SLC35F4: variants seen among roughly 807,000 people sequenced by gnomAD.
The protein encoded by SLC35F4 is chromosome 14 open reading frame 36.
In SLC35F4, 24 loss-of-function variants were observed where a neutral mutation model predicts 44.2. The ratio of observed to expected loss-of-function variants is 0.54; its 90% CI spans 0.39 to 0.76. The LOEUF is 0.76. Ranked by LOEUF, SLC35F4 falls within the 30% of genes least tolerant of loss-of-function variation. The pLI is 0.00. For missense variants in SLC35F4, 562 were observed against 586.1 expected, an observed-to-expected ratio of 0.96 and a Z score of 0.42; for synonymous variants, 238 against 223.6, an observed-to-expected ratio of 1.06 and a Z score of -0.57.
chr14:57,615,601 G>A (rs2071770950), intron 1 of SLC35F4, among the ~76,000 whole-genome samples: 1 of 151,450 alleles, frequency 6.6e-6, no homozygotes, highest in Admixed American at 6.6e-5. Flanking sequence ...TAGATTTGGA[G>A]CTTTTCTGAC....
At chr14:57,966,308 C>T (rs9646131) in intron 1 of SLC35F4, among the ~76,000 whole-genome samples, 16,269 of 152,156 alleles carry the variant, frequency 0.11, 989 homozygotes, top group Middle Eastern at 0.17. Context: ...GAACAGACAG[C>T]GTAATATTTC....
upstream of SLC35F4, among the ~76,000 whole-genome samples, chr14:57,982,708 T>G (rs1215971948): frequency 2.6e-5 from 4 of 152,212 alleles, no homozygotes; most frequent in Non-Finnish European, 4.4e-5. Flanking sequence ...AAAAAAATCT[T>G]TTTTCTTTTT....
chr14:57,883,452 C>G (rs1013727488), intron 1 of SLC35F4, among the ~76,000 whole-genome samples: 4 of 152,176 alleles, frequency 2.6e-5, no homozygotes, highest in African/African-American at 4.8e-5. Context: ...CTCACCTTAG[C>G]ATTTGCCCTC....
At chr14:57,720,816 C>T (rs2076065721) in intron 1 of SLC35F4, among the ~76,000 whole-genome samples, 1 of 151,844 alleles carries the variant, frequency 6.6e-6, no homozygotes, top group Admixed American at 6.6e-5. Context: ...CTAGACTAGT[C>T]TAGCCTCCCA....
chr14:57,638,629 T>C lies in SLC35F4; in HGVS notation c.104-44505A>G, dbSNP rs76710594. On this transcript the variant is annotated intron_variant, in intron 1 of 7. Transcript: ENST00000556826. ...AAGTCTCCTTTCAAATTTATAATTG[T>C]GTGATTTTTCAGTCGACATGTGTTT... Among the ~76,000 whole-genome samples the C allele has an allele frequency of 3.2e-3, 480 of 152,250 alleles. 8 individuals are homozygous for C. In the East Asian group the frequency reaches 0.079, roughly 25 times the overall value.
At chr14:57,884,288 A>C (rs1888600975) in intron 1 of SLC35F4, among the ~76,000 whole-genome samples, 1 of 152,172 alleles carries the variant, frequency 6.6e-6, no homozygotes, top group Non-Finnish European at 1.5e-5. Context: ...TCATATAAGT[A>C]ATCACCTTTA....
At chr14:57,721,184 T>A (rs1264783229) in intron 1 of SLC35F4, among the ~76,000 whole-genome samples, 1 of 151,716 alleles carries the variant, frequency 6.6e-6, no homozygotes, top group Non-Finnish European at 1.5e-5. Flanking sequence ...TTGCTTAATA[T>A]GATTAGAACC....
In SLC35F4 at chr14:57,563,939, A is replaced by T; in HGVS notation, c.*196T>A. On this transcript the variant is annotated 3_prime_UTR_variant, in exon 8 of 8. Transcript: ENST00000556826. ...AACAGAACAAGGACAAATGTGTTTT[A>T]ATAAAAAAATCCATTATGATTATTT... 1 of 610,272 alleles carries T rather than the reference A, an allele frequency of 1.6e-6. No homozygotes were observed. The highest frequency in any genetic ancestry group is 1.9e-5 in the African/African-American group (1 of 53,752). The allele number at this position is 610,272 out of a possible 1,614,324, so 37.8% of individuals were successfully genotyped here.
chr14:57,636,891 T>C (rs1160033415), intron 1 of SLC35F4, among the ~76,000 whole-genome samples: 2 of 152,132 alleles, frequency 1.3e-5, no homozygotes, highest in African/African-American at 4.8e-5. Context: ...CTCTTTGTTA[T>C]TTTTACATTA....
chr14:57,882,972 G>T (rs1228446996), intron 1 of SLC35F4, among the ~76,000 whole-genome samples: 1 of 151,712 alleles, frequency 6.6e-6, no homozygotes, highest in African/African-American at 2.4e-5. Context: ...ATACCTTCTT[G>T]CACCTCTGCC....
chr14:57,618,092 C>T (rs1040251487), intron 1 of SLC35F4, among the ~76,000 whole-genome samples: 1 of 152,056 alleles, frequency 6.6e-6, no homozygotes, highest in African/African-American at 2.4e-5. Context: ...CGTCTTAAAA[C>T]TAGCCCTAAG....
At chr14:57,818,932 T>C (rs543539225) in intron 1 of SLC35F4, among the ~76,000 whole-genome samples, 1 of 152,346 alleles carries the variant, frequency 6.6e-6, no homozygotes, top group African/African-American at 2.4e-5. Context: ...AAGCATCACA[T>C]TGAATGATAC....
At chr14:57,601,166 T>C (rs919739924) in intron 1 of SLC35F4, among the ~76,000 whole-genome samples, 1 of 151,808 alleles carries the variant, frequency 6.6e-6, no homozygotes, top group Non-Finnish European at 1.5e-5. Flanking sequence ...TTATATATTT[T>C]ATATTTTAAA....
chr14:57,958,909 G>A (rs554307886), intron 1 of SLC35F4, among the ~76,000 whole-genome samples: 21 of 152,282 alleles, frequency 1.4e-4, no homozygotes, highest in African/African-American at 4.1e-4. Flanking sequence ...GTTAGACATC[G>A]TCAGAATCCC....
chr14:57,933,636 G>T (rs1251567050), intron 1 of SLC35F4, among the ~76,000 whole-genome samples: 1 of 152,214 alleles, frequency 6.6e-6, no homozygotes, highest in Non-Finnish European at 1.5e-5. Flanking sequence ...CCTGCCATTT[G>T]TTTGTGAAAG....
At chr14:57,725,033 C>T (rs554158945) in intron 1 of SLC35F4, among the ~76,000 whole-genome samples, 1 of 152,288 alleles carries the variant, frequency 6.6e-6, no homozygotes, top group East Asian at 1.9e-4. Flanking sequence ...GGATGGACCT[C>T]TTTGTGGTGT....
intron 1 of SLC35F4, among the ~76,000 whole-genome samples, chr14:57,642,298 A>G (rs114233584): frequency 0.027 from 4,062 of 151,666 alleles, 83 homozygotes; most frequent in South Asian, 0.076. Flanking sequence ...AGAGCTAGTG[A>G]GAAAAAAAAA....
chr14:57,786,237 C>T (rs1786382957), intron 1 of SLC35F4, among the ~76,000 whole-genome samples: 1 of 152,152 alleles, frequency 6.6e-6, no homozygotes, highest in African/African-American at 2.4e-5. Flanking sequence ...AACCTCACTC[C>T]CATACCTCAC....
At position 57,627,638 on chromosome 14, in the gene SLC35F4, A is replaced by G. The variant is rs368014948; in HGVS notation, c.104-33514T>C. On this transcript the variant is annotated intron_variant, in intron 1 of 7. Coordinates refer to ENST00000556826, the MANE Select transcript of SLC35F4 (RefSeq NM_001306087.2). ...GTCTCTTAGATGAACCCAAGAAATA[A>G]TATACCAGAAACTATCTGACTACTC... Among the ~76,000 whole-genome samples the G allele has an allele frequency of 3.3e-5, 5 of 152,124 alleles. No homozygotes were observed. The East Asian group carries it at 9.6e-4, about 29-fold the overall frequency.
Sources: allele counts gnomAD v4.1 joint callset (sites outside exome capture counted in the v4.1 genomes callset), GRCh38; gene constraint gnomAD v4.1.1; transcripts MANE v1.5; gene names NCBI Gene and HGNC (gene_info 2026-07-23, HGNC 2026-07-21).